Variants in MYCBP2 observed in about 807,000 individuals in gnomAD.
MYCBP2 encodes the protein MYC binding protein 2, also known as E3 ubiquitin-protein ligase MYCBP2.
In MYCBP2, 120 loss-of-function variants were observed where a neutral mutation model predicts 525.3. That is an observed-to-expected ratio of 0.23 (90% CI 0.20 to 0.27). MYCBP2 has a LOEUF of 0.27. Among genes scored for constraint, MYCBP2 ranks in the 10% least tolerant of loss-of-function variants. The pLI, the probability that MYCBP2 is intolerant of heterozygous loss-of-function variation, is 1.00. For synonymous variants in MYCBP2, 1,894 were observed against 1,955.8 expected (o/e 0.97, Z 0.83); for missense variants, 4,149 against 5,657.1 (o/e 0.73, Z 8.55).
At chr13:77,182,839 C>T (rs1287447924) in intron 32 of MYCBP2, among the ~76,000 whole-genome samples, 1 of 151,896 alleles carries the variant, frequency 6.6e-6, no homozygotes, top group Non-Finnish European at 1.5e-5. Flanking sequence ...TGTCTTGTTT[C>T]CAAACTTAGG....
chr13:77,170,689 G>A (rs551204642), intron 38 of MYCBP2, among the ~76,000 whole-genome samples: 13 of 151,410 alleles, frequency 8.6e-5, no homozygotes, highest in Middle Eastern at 6.8e-3. Context: ...CGATTCTCCT[G>A]CCTCAGCCTT....
chr13:77,205,148 A>G (rs1246070269), intron 26 of MYCBP2, 108 bp downstream of exon 26: 1 of 1,003,264 alleles, frequency 1.0e-6, no homozygotes, highest in African/African-American at 1.7e-5. Flanking sequence ...AAAACAAAAT[A>G]AACCCAGTTA....
rs1375254160 is a variant in MYCBP2, at chr13:77,265,804, G to A, written c.1358-1802C>T. On this transcript the variant is annotated intron_variant, in intron 8 of 82. Coordinates refer to ENST00000544440, the MANE Select transcript of MYCBP2 (RefSeq NM_015057.5). ...TTCAGGCTTGAGGGAGGAGTCTTCT[G>A]CCACGTGATTTCAAGATTTTCTCTT... Among the ~76,000 whole-genome samples the A allele has an allele frequency of 3.3e-5, 5 of 152,150 alleles. No individual in the cohort carries two copies. In the East Asian group the frequency reaches 7.7e-4, roughly 23 times the overall value.
At chr13:77,248,142 C>CAAAA (rs71203041) in intron 15 of MYCBP2, among the ~76,000 whole-genome samples, 9 of 141,544 alleles carry the variant, frequency 6.4e-5, no homozygotes, top group African/African-American at 1.8e-4. Context: ...AAAGTATAAT[C>CAAAA]AAAAAAAAAA....
intron 41 of MYCBP2, 115 bp downstream of exon 41, chr13:77,166,214 G>T (rs2058502591): frequency 1.3e-6 from 1 of 748,630 alleles, no homozygotes. Flanking sequence ...ATACATAGTA[G>T]GTCTTTAATA....
At position 77,150,629 on chromosome 13, in the gene MYCBP2, G is replaced by T. The variant is rs191302278; in HGVS notation, c.7131+105C>A. ...GCTGCAAATTTAATATCCATCAAAT[G>T]CTCTTTGGACTTACAATTTCATGTC... On this transcript the variant is annotated intron_variant, in intron 47 of 82. Coordinates refer to ENST00000544440, the MANE Select transcript of MYCBP2 (RefSeq NM_015057.5). 6 of 848,400 alleles carry T rather than the reference G, an allele frequency of 7.1e-6. No homozygotes were observed. The East Asian group carries it at 1.3e-4, about 18-fold the overall frequency. The allele number at this position is 848,400 out of a possible 1,614,324, so 52.6% of individuals were successfully genotyped here.
chr13:77,118,583 T>TA (rs2050175194), intron 55 of MYCBP2: 3 of 705,456 alleles, frequency 4.3e-6, no homozygotes, highest in Non-Finnish European at 7.8e-6. Flanking sequence ...GACATTCAGA[T>TA]AGAGTTGAAC....
chr13:77,097,706 T>C lies in MYCBP2; in HGVS notation c.9448A>G (p.Met3150Val), dbSNP rs756599335. Residue 3150 changes from methionine (M) to valine (V), a missense_variant, in exon 56 of 83, where the codon ATG becomes GTG. Coordinates refer to ENST00000544440, the MANE Select transcript of MYCBP2 (RefSeq NM_015057.5). ...TTFEMSMHNT[M>V]KSKSPLPLTL... Reference sequence around the variant, plus strand: ...AAGGGAAGAGGAGACTTAGACTTCATTGTGTTATGCATGGACATTTCAAAA... The same window carrying C: ...AAGGGAAGAGGAGACTTAGACTTCACTGTGTTATGCATGGACATTTCAAAA... 2.2e-5 allele frequency: 36 copies of C among 1,613,568 alleles called. No individual in the cohort carries two copies. The highest frequency in any genetic ancestry group is 3.0e-5 in the Non-Finnish European group (35 of 1,179,784).
In MYCBP2 at chr13:77,093,323, A is replaced by C. The variant is rs2045730486; in HGVS notation, c.10209T>G (p.His3403Gln). The change falls in exon 59 of 83, where the codon CAT (histidine) becomes CAG (glutamine). Residue 3403 changes from histidine to glutamine, a missense_variant. Physicochemically the swap from His to Gln is conservative, Grantham distance 24. This residue lies in a region of MYCBP2 where 509 missense variants were observed against 789.4 expected (regional missense o/e 0.64). Transcript: ENST00000544440. Reference protein sequence around the residue: ...LYLQTLARHHHENFVGYQDDN... With the variant: ...LYLQTLARHHQENFVGYQDDN... The stretch of plus-strand genomic sequence containing the variant: ...CATCTTGATAGCCCACAAAATTTTC[A>C]TGATGATGCCTGCATTAAATCAAAC... 1.2e-6 allele frequency: 2 copies of C among 1,613,008 alleles called. No homozygotes were observed. The highest frequency in any genetic ancestry group is 2.7e-5 in the African/African-American group (2 of 74,984).
At chr13:77,243,749 C>A (rs2069327898) in intron 16 of MYCBP2, 57 bp downstream of exon 16, 5 of 1,482,568 alleles carry the variant, frequency 3.4e-6, no homozygotes, top group East Asian at 4.8e-5. Context: ...TTTAAACTGT[C>A]AGACTTACTG....
intron 55 of MYCBP2, among the ~76,000 whole-genome samples, chr13:77,105,831 T>TTCAACA (rs1389193480): frequency 6.6e-6 from 1 of 152,142 alleles, no homozygotes; most frequent in Non-Finnish European, 1.5e-5. Flanking sequence ...GTTAATATTG[T>TTCAACA]TTGCTTACTA....
chr13:77,233,077 A>T (rs1396096438), intron 18 of MYCBP2, 79 bp downstream of exon 18: 1 of 1,260,886 alleles, frequency 7.9e-7, no homozygotes, highest in African/African-American at 1.5e-5. Context: ...AGGTTTGTGC[A>T]TTTTCCCAGA....
intron 3 of MYCBP2, among the ~76,000 whole-genome samples, chr13:77,286,817 T>TATAG (rs1479883559): frequency 8.8e-6 from 1 of 114,134 alleles, no homozygotes; most frequent in South Asian, 2.8e-4. Context: ...TATATATATA[T>TATAG]AGACCTTCCA....
chr13:77,118,857 G>T (rs1456856352), intron 55 of MYCBP2, among the ~76,000 whole-genome samples: 1 of 152,166 alleles, frequency 6.6e-6, no homozygotes, highest in African/African-American at 2.4e-5. Context: ...TTAAGTAAAT[G>T]ATGCCTTTTC....
chr13:77,232,804 G>A (rs2067311112), intron 18 of MYCBP2, among the ~76,000 whole-genome samples: 2 of 152,078 alleles, frequency 1.3e-5, no homozygotes, highest in South Asian at 2.1e-4. Context: ...AAAAAGAATT[G>A]TAAAAGGCCA....
intron 81 of MYCBP2, 42 bp from the exon 82 acceptor site, chr13:77,051,204 AC>A: frequency 6.4e-7 from 1 of 1,552,808 alleles, no homozygotes; most frequent in Non-Finnish European, 8.7e-7. Context: ...TCATAGTGAG[AC>A]TATTTCAATC....
intron 52 of MYCBP2, among the ~76,000 whole-genome samples, chr13:77,133,681 C>G (rs1329283969): frequency 6.6e-6 from 1 of 152,054 alleles, no homozygotes; most frequent in Non-Finnish European, 1.5e-5. Flanking sequence ...ATCTGTTTTC[C>G]ACCCTCAATT....
intron 37 of MYCBP2, among the ~76,000 whole-genome samples, chr13:77,173,478 T>A (rs370470030): frequency 4.6e-5 from 7 of 152,366 alleles, no homozygotes; most frequent in Admixed American, 1.3e-4. Context: ...TACATAGCTA[T>A]TTGCTGCCTG....
intron 18 of MYCBP2, 32 bp from the exon 19 acceptor site, chr13:77,225,586 A>C: frequency 6.2e-7 from 1 of 1,608,910 alleles, no homozygotes; most frequent in South Asian, 1.1e-5. Flanking sequence ...AATTATGATT[A>C]AGCCATTATT....
Sources: allele counts gnomAD v4.1 joint callset (sites outside exome capture counted in the v4.1 genomes callset), GRCh38; gene constraint gnomAD v4.1.1; regional missense constraint gnomAD v4.1.1; transcripts MANE v1.5; gene names NCBI Gene and HGNC (gene_info 2026-07-23, HGNC 2026-07-21).